The following CHSY3 variants were observed in gnomAD, a reference collection of about 807,000 sequenced individuals.
The protein encoded by CHSY3 is chondroitin sulfate synthase 3.
CHSY3 carries 35 observed loss-of-function variants against 67.2 expected under a neutral mutation model. That is an observed-to-expected ratio of 0.52 (90% CI 0.40 to 0.69). CHSY3 has a LOEUF of 0.69. Ranked by LOEUF, CHSY3 falls within the 30% of genes least tolerant of loss-of-function variation. The probability of loss-of-function intolerance (pLI) is 0.00; values close to 1 mark genes in which losing one functional copy is unlikely to be tolerated. For missense variants in CHSY3, 1,069 were observed against 1,138.5 expected, an observed-to-expected ratio of 0.94 and a Z score of 0.88; for synonymous variants, 474 against 434.7, an observed-to-expected ratio of 1.09 and a Z score of -1.12.
At chr5:130,094,617 G>C (rs986257823) in intron 2 of CHSY3, among the ~76,000 whole-genome samples, 5 of 152,046 alleles carry the variant, frequency 3.3e-5, no homozygotes, top group African/African-American at 1.2e-4. Context: ...TGGATACATA[G>C]CTCCAGGCAT....
At chr5:130,117,389 G>A (rs1767845328) in intron 2 of CHSY3, among the ~76,000 whole-genome samples, 1 of 152,204 alleles carries the variant, frequency 6.6e-6, no homozygotes, top group Non-Finnish European at 1.5e-5. Flanking sequence ...GAAGCCCAAA[G>A]AAGTTCCATT....
chr5:130,031,704 G>T (rs1390136769), intron 2 of CHSY3, among the ~76,000 whole-genome samples: 1 of 152,116 alleles, frequency 6.6e-6, no homozygotes, highest in Non-Finnish European at 1.5e-5. Flanking sequence ...GAATAAAGTT[G>T]TTCATTCAAC....
In CHSY3 at chr5:129,905,459, G is replaced by A; in HGVS notation, c.630G>A (p.Gln210=). 1 of 1,612,450 alleles carries A rather than the reference G, an allele frequency of 6.2e-7. No homozygotes were observed. The highest frequency in any genetic ancestry group is 8.5e-7 in the Non-Finnish European group (1 of 1,179,964). The part of the protein sequence containing the change: ...PGRVEFFSSQ[Q]PPNAGQPPPP... The stretch of plus-strand genomic sequence containing the variant: ...GCGTGGAGTTCTTTTCCAGCCAGCA[G>A]CCCCCCAACGCCGGCCAGCCCCCGC... Residue 210 remains glutamine, a synonymous_variant, in exon 1 of 3, where the codon CAG becomes CAA. Transcript: ENST00000305031.
intron 2 of CHSY3, among the ~76,000 whole-genome samples, chr5:130,037,680 A>T (rs1449219784): frequency 1.3e-5 from 2 of 152,030 alleles, no homozygotes; most frequent in African/African-American, 4.8e-5. Flanking sequence ...TAGAATTTTT[A>T]AAATTAACAA....
intron 2 of CHSY3, among the ~76,000 whole-genome samples, chr5:130,059,575 T>C (rs1765644191): frequency 6.6e-6 from 1 of 152,108 alleles, no homozygotes; most frequent in African/African-American, 2.4e-5. Context: ...CTTAACTTGG[T>C]TACATCTGCA....
intron 2 of CHSY3, among the ~76,000 whole-genome samples, chr5:130,130,464 C>G (rs1157073897): frequency 6.6e-6 from 1 of 152,136 alleles, no homozygotes; most frequent in Non-Finnish European, 1.5e-5. Context: ...GTTCTTATTA[C>G]TTCACTAACC....
Position 129,905,402 on chromosome 5 carries a change from G to C in CHSY3, c.573G>C (p.Ala191=). 6.2e-7 allele frequency: 1 copy of C among 1,606,930 alleles called. No individual in the cohort carries two copies. The highest frequency in any genetic ancestry group is 8.5e-7 in the Non-Finnish European group (1 of 1,177,994). Residue 191 remains alanine, a synonymous_variant, in exon 1 of 3, where the codon GCG becomes GCC. Transcript: ENST00000305031. ...ACCTGGGCAGCCGCGCGCTGGCCGC[G>C]CAGCGGACCTGGGCGCGTTTCATCC... The part of the protein sequence containing the change: ...QKYLGSRALA[A]QRTWARFIPG...
intron 2 of CHSY3, among the ~76,000 whole-genome samples, chr5:130,173,135 A>G (rs1481530463): frequency 3.3e-5 from 5 of 152,086 alleles, no homozygotes; most frequent in East Asian, 3.9e-4. Flanking sequence ...TACTGGACTC[A>G]CCAAGAAAAA....
chr5:130,176,316 C>G (rs1770048953), intron 2 of CHSY3, among the ~76,000 whole-genome samples: 1 of 152,042 alleles, frequency 6.6e-6, no homozygotes, highest in Non-Finnish European at 1.5e-5. Flanking sequence ...CATCTCACGT[C>G]AGTTAGAATG....
chr5:129,997,063 G>A (rs1384898466), intron 2 of CHSY3, among the ~76,000 whole-genome samples: 1 of 149,340 alleles, frequency 6.7e-6, no homozygotes, highest in Non-Finnish European at 1.5e-5. Context: ...TAACTTTGCA[G>A]AAACTTCTGA....
intron 2 of CHSY3, among the ~76,000 whole-genome samples, chr5:129,939,761 T>C (rs1761639658): frequency 6.6e-6 from 1 of 152,214 alleles, no homozygotes; most frequent in Non-Finnish European, 1.5e-5. Flanking sequence ...CTCATAGCTT[T>C]TTCATGCAGA....
chr5:129,922,824 T>C (rs1467049142), intron 2 of CHSY3, among the ~76,000 whole-genome samples: 1 of 152,200 alleles, frequency 6.6e-6, no homozygotes, highest in Non-Finnish European at 1.5e-5. Flanking sequence ...TGTTGTGCAG[T>C]GATCAGTTGT....
chr5:130,181,452 T>TTC (rs200038018), intron 2 of CHSY3, among the ~76,000 whole-genome samples: 1 of 151,798 alleles, frequency 6.6e-6, no homozygotes, highest in Admixed American at 6.6e-5. Context: ...CTCTGATATC[T>TTC]TCTCTCTCTC....
At chr5:129,969,275 C>G (rs557158760) in intron 2 of CHSY3, among the ~76,000 whole-genome samples, 1 of 151,850 alleles carries the variant, frequency 6.6e-6, no homozygotes. Context: ...AAGATTGAGA[C>G]CACATTTCTG....
intron 2 of CHSY3, among the ~76,000 whole-genome samples, chr5:130,094,852 T>C (rs1298181379): frequency 3.9e-5 from 6 of 152,006 alleles, no homozygotes; most frequent in East Asian, 1.9e-4. Flanking sequence ...AAAATAAAGA[T>C]AAAAGGAACT....
intron 2 of CHSY3, among the ~76,000 whole-genome samples, chr5:129,941,758 A>T (rs567283349): frequency 1.3e-5 from 2 of 152,114 alleles, no homozygotes; most frequent in East Asian, 3.9e-4. Flanking sequence ...CTCTACTTGG[A>T]GGTAGTGTAA....
At chr5:130,011,213 C>A (rs1334651815) in intron 2 of CHSY3, among the ~76,000 whole-genome samples, 1 of 152,102 alleles carries the variant, frequency 6.6e-6, no homozygotes, top group Admixed American at 6.5e-5. Context: ...GGCCTAGATG[C>A]AGAAGTGCTC....
intron 2 of CHSY3, among the ~76,000 whole-genome samples, chr5:129,961,765 A>C (rs1048396584): frequency 1.3e-5 from 2 of 151,956 alleles, no homozygotes; most frequent in African/African-American, 4.8e-5. Context: ...TGAAATTACA[A>C]CCTGACATAA....
chr5:129,923,633 G>A (rs1339890930), intron 2 of CHSY3, among the ~76,000 whole-genome samples: 2 of 152,198 alleles, frequency 1.3e-5, no homozygotes, highest in African/African-American at 4.8e-5. Context: ...GCAGATGTCT[G>A]AGGGAGAAGC....
Sources: allele counts gnomAD v4.1 joint callset (sites outside exome capture counted in the v4.1 genomes callset), GRCh38; gene constraint gnomAD v4.1.1; transcripts MANE v1.5; gene names NCBI Gene and HGNC (gene_info 2026-07-23, HGNC 2026-07-21).